Variants in MYCT1 observed in about 807,000 individuals in gnomAD.
MYCT1 encodes the protein myc target protein 1.
A neutral mutation model predicts 15.0 loss-of-function variants in MYCT1; 12 were observed. The ratio of observed to expected loss-of-function variants is 0.80; its 90% CI spans 0.51 to 1.29. The LOEUF (loss-of-function observed/expected upper bound fraction) is 1.29. MYCT1 is among the 50% of genes most tolerant of loss of function. The probability of loss-of-function intolerance (pLI) is 0.00; values close to 1 mark genes in which losing one functional copy is unlikely to be tolerated. For missense variants in MYCT1, 287 were observed against 279.1 expected, an observed-to-expected ratio of 1.03 and a Z score of -0.20; for synonymous variants, 104 against 102.7, an observed-to-expected ratio of 1.01 and a Z score of -0.07.
chr6:152,698,153 C>A, intron 1 of MYCT1, 55 bp downstream of exon 1: 1 of 1,021,806 alleles, frequency 9.8e-7, no homozygotes, highest in Non-Finnish European at 1.4e-6. Context: ...AAGAAATGCA[C>A]TGCGTGATTA....
intron 1 of MYCT1, 149 bp from the exon 2 acceptor site, chr6:152,721,593 A>G: frequency 1.5e-6 from 1 of 681,480 alleles, no homozygotes; most frequent in Non-Finnish European, 2.4e-6. Flanking sequence ...ATTTGTTCAT[A>G]TCCACCTAAC....
chr6:152,726,459 A>C (rs1281503987), downstream of MYCT1, among the ~76,000 whole-genome samples: 4 of 151,040 alleles, frequency 2.6e-5, no homozygotes, highest in African/African-American at 7.3e-5. Flanking sequence ...AGACACTGGG[A>C]TAGTTCTACC....
In MYCT1 at chr6:152,722,505, C is replaced by T. The variant is rs146967867; in HGVS notation, c.*252C>T. Reference sequence around the variant, plus strand: ...TATGTATTTTGTATTCAATGTGAGGCTTATTAAAAATAGTGATTCTAATGT... The same window carrying T: ...TATGTATTTTGTATTCAATGTGAGGTTTATTAAAAATAGTGATTCTAATGT... On this transcript the variant is annotated 3_prime_UTR_variant, in exon 2 of 2. Coordinates refer to ENST00000367245, the MANE Select transcript of MYCT1 (RefSeq NM_025107.3). 5.4e-3 allele frequency: 2,113 copies of T among 391,188 alleles called. 33 individuals are homozygous for T. Among genetic ancestry groups the T allele is most frequent in the African/African-American group, 0.029 (1,424 of 48,482 alleles). The allele number at this position is 391,188 out of a possible 1,614,324, so 24.2% of individuals were successfully genotyped here.
In MYCT1 at chr6:152,706,176, C is replaced by T. The variant is rs111520997; in HGVS notation, c.196+8078C>T. 1,118 of 1,092,812 alleles carry T rather than the reference C, an allele frequency of 1.0e-3. 1 individual carries two copies. Among genetic ancestry groups the T allele is most frequent in the Non-Finnish European group, 1.4e-3 (1,010 of 715,032 alleles). The allele number at this position is 1,092,812 out of a possible 1,614,324, so 67.7% of individuals were successfully genotyped here. ...TTATTAATGAACTGTGACAGGAAGC[C>T]CAAGGCAGAGTTCCTCACCAATAAC... On this transcript the variant is annotated intron_variant, in intron 1 of 1. Transcript: ENST00000367245.
chr6:152,704,634 C>T (rs2099721942), intron 1 of MYCT1, among the ~76,000 whole-genome samples: 1 of 152,084 alleles, frequency 6.6e-6, no homozygotes, highest in Non-Finnish European at 1.5e-5. Context: ...ATATTTGAAA[C>T]TATACAATAT....
chr6:152,743,836 G>A, the MYCT1 span, among the ~76,000 whole-genome samples: 1 of 152,186 alleles, frequency 6.6e-6, no homozygotes, highest in Non-Finnish European at 1.5e-5. Context: ...TCAGAAATGA[G>A]AACATTAGTG....
chr6:152,744,402 G>A, the MYCT1 span, among the ~76,000 whole-genome samples: 1 of 151,722 alleles, frequency 6.6e-6, no homozygotes, highest in Non-Finnish European at 1.5e-5. Flanking sequence ...TTGGGTGTGG[G>A]AATGGGAGTA....
At chr6:152,725,728 G>C (rs2099725531), downstream of MYCT1, among the ~76,000 whole-genome samples, 1 of 152,228 alleles carries the variant, frequency 6.6e-6, no homozygotes, top group African/African-American at 2.4e-5. Flanking sequence ...TGTATCAGGA[G>C]TCTTGCACTA....
At chr6:152,721,473 T>C (rs902005211) in intron 1 of MYCT1, among the ~76,000 whole-genome samples, 6 of 152,196 alleles carry the variant, frequency 3.9e-5, no homozygotes, top group African/African-American at 1.4e-4. Context: ...ACTACTTTTA[T>C]CTTTTATTTC....
At chr6:152,730,667 T>A in the MYCT1 span, among the ~76,000 whole-genome samples, 1 of 152,222 alleles carries the variant, frequency 6.6e-6, no homozygotes, top group African/African-American at 2.4e-5. Flanking sequence ...GAAGCCTAGC[T>A]ATTGAATATC....
At chr6:152,733,063 GT>G in the MYCT1 span, among the ~76,000 whole-genome samples, 1 of 151,744 alleles carries the variant, frequency 6.6e-6, no homozygotes, top group African/African-American at 2.4e-5. Context: ...GTTTTTATTT[GT>G]TTTTTATTTT....
Position 152,698,086 on chromosome 6 carries a change from G to A in MYCT1, c.184G>A (p.Glu62Lys). The change falls in exon 1 of 2, where the codon GAA (glutamate) becomes AAA (lysine). Residue 62 changes from glutamate (E) to lysine (K), a missense_variant. Physicochemically the swap from Glu to Lys is moderately conservative, Grantham distance 56. Coordinates refer to ENST00000367245, the MANE Select transcript of MYCT1 (RefSeq NM_025107.3). ...NTTSLGSPWP[E>K]NFWEDLIMSF... Reference sequence around the variant, plus strand: ...AACAAGTTTAGGGAGTCCATGGCCAGAAAACTTTTGGGGTAAGGTATTTTC... The same window carrying A: ...AACAAGTTTAGGGAGTCCATGGCCAAAAAACTTTTGGGGTAAGGTATTTTC... 1 of 1,552,602 alleles carries A rather than the reference G, an allele frequency of 6.4e-7. No individual in the cohort carries two copies.
chr6:152,702,709 C>T (rs2129068238), intron 1 of MYCT1, among the ~76,000 whole-genome samples: 1 of 152,312 alleles, frequency 6.6e-6, no homozygotes, highest in African/African-American at 2.4e-5. Context: ...TATATCTTCC[C>T]CAAATTTGGA....
chr6:152,725,573 A>C (rs1187272903), downstream of MYCT1, among the ~76,000 whole-genome samples: 1 of 152,214 alleles, frequency 6.6e-6, no homozygotes, highest in Non-Finnish European at 1.5e-5. Context: ...GGTGTGAGCC[A>C]CCATGCCCGG....
chr6:152,707,423 G>A (rs910508066), intron 1 of MYCT1, among the ~76,000 whole-genome samples: 2 of 151,818 alleles, frequency 1.3e-5, no homozygotes, highest in African/African-American at 2.4e-5. Context: ...TCAGATATAC[G>A]GTTTGCAAAT....
At chr6:152,705,900 T>C (rs1422271265) in intron 1 of MYCT1, 32 of 755,380 alleles carry the variant, frequency 4.2e-5, no homozygotes, top group Non-Finnish European at 7.8e-5. Context: ...GCAAAGTTCC[T>C]CAGAAGTTGG....
Position 152,723,560 on chromosome 6 carries a change from A to C in MYCT1, c.*1307A>C, listed in dbSNP as rs2099725090. Reference sequence around the variant, plus strand: ...CTGGATTGACTCTTAATCATCAGGCATCATTCCTGGTTTGCTTCTCTACGA... The same window carrying C: ...CTGGATTGACTCTTAATCATCAGGCCTCATTCCTGGTTTGCTTCTCTACGA... On this transcript the variant is annotated 3_prime_UTR_variant, in exon 2 of 2. Transcript: ENST00000367245. 6.6e-6 allele frequency: 1 copy of C among 152,272 alleles called. No individual in the cohort carries two copies. The allele number at this position is 152,272 out of a possible 1,614,324, so 9.4% of individuals were successfully genotyped here. A position where few individuals can be genotyped will look rare whatever the true frequency, so the allele number is the denominator to read the frequency against.
chr6:152,699,107 C>A (rs2099720907), intron 1 of MYCT1, among the ~76,000 whole-genome samples: 2 of 152,140 alleles, frequency 1.3e-5, no homozygotes, highest in Admixed American at 6.5e-5. Flanking sequence ...AGACTTTCTG[C>A]TGTGATTCAA....
intron 1 of MYCT1, among the ~76,000 whole-genome samples, chr6:152,707,908 A>G (rs1038016190): frequency 2.6e-5 from 4 of 152,030 alleles, no homozygotes; most frequent in Non-Finnish European, 5.9e-5. Context: ...ATAGCTTTGT[A>G]GTATATTTTA....
Sources: gnomAD v4.1 joint callset for allele counts (sites outside exome capture counted in the v4.1 genomes callset) on GRCh38, gnomAD v4.1.1 for gene constraint, MANE v1.5 for transcripts, NCBI Gene and HGNC (gene_info 2026-07-23, HGNC 2026-07-21) for gene names.